Variants in ITCH observed in about 807,000 individuals in gnomAD.
ITCH encodes the protein E3 ubiquitin-protein ligase Itchy homolog.
In ITCH, 28 loss-of-function variants were observed where a neutral mutation model predicts 126.8. The observed-to-expected ratio is 0.22, with a 90% CI of 0.16 to 0.30. The LOEUF is 0.30. Ranked by LOEUF, ITCH falls within the 10% of genes least tolerant of loss-of-function variation. ITCH has a pLI of 1.00. For synonymous variants in ITCH, 342 were observed against 340.0 expected (o/e 1.01, Z -0.06); for missense variants, 631 against 1,032.4 (o/e 0.61, Z 5.33).
At chr20:34,438,905 T>C (rs1275770391) in intron 8 of ITCH, among the ~76,000 whole-genome samples, 1 of 152,192 alleles carries the variant, frequency 6.6e-6, no homozygotes, top group Non-Finnish European at 1.5e-5. Context: ...GGCAATAACA[T>C]TGTACCTTTC....
rs1983820097 is a variant in ITCH at position 34,441,975 on chromosome 20, G to A, written c.870-233G>A. The stretch of plus-strand genomic sequence containing the variant: ...GGACCTCAAGCCTCTTCAGGAATAT[G>A]TTTTCTCCTAGAGCAGATACTTGCA... On this transcript the variant is annotated intron_variant, in intron 9 of 24. Transcript: ENST00000374864. 5.8e-6 allele frequency: 3 copies of A among 520,854 alleles called. No individual in the cohort carries two copies. In the Admixed American group the frequency reaches 9.3e-5, roughly 16 times the overall value. The allele number at this position is 520,854 out of a possible 1,614,324, so 32.3% of individuals were successfully genotyped here. A position where few individuals can be genotyped will look rare whatever the true frequency, so the allele number is the denominator to read the frequency against.
intron 1 of ITCH, among the ~76,000 whole-genome samples, chr20:34,365,829 T>C (rs1015326452): frequency 4.6e-5 from 7 of 152,162 alleles, no homozygotes; most frequent in African/African-American, 1.4e-4. Flanking sequence ...CCTTCTGAGA[T>C]GGATTTAGTA....
intron 12 of ITCH, among the ~76,000 whole-genome samples, chr20:34,456,979 C>G (rs6059850): frequency 0.44 from 67,035 of 150,960 alleles, 15,459 homozygotes; most frequent in Middle Eastern, 0.5. Context: ...CTACTTAATT[C>G]TGAGGTTTCA....
chr20:34,372,801 GT>G (rs959781797), intron 2 of ITCH, among the ~76,000 whole-genome samples: 2 of 152,064 alleles, frequency 1.3e-5, no homozygotes, highest in African/African-American at 4.8e-5. Context: ...GTTCCAAGGG[GT>G]ACTCAAATAT....
chr20:34,488,940 G>A lies in ITCH; in HGVS notation c.2094-326G>A, dbSNP rs6058061. Among the ~76,000 whole-genome samples, 246 of 152,266 alleles carry A rather than the reference G, an allele frequency of 1.6e-3. 2 individuals carry two copies. The highest frequency in any genetic ancestry group is 5.1e-3 in the African/African-American group (213 of 41,556). ...TATATTCCCAGCTACTCGGGAGGCCGAGGTAGGAGGATTGCTTGAGCCCAG... is the reference window on the plus strand; with the variant it reads ...TATATTCCCAGCTACTCGGGAGGCCAAGGTAGGAGGATTGCTTGAGCCCAG... On this transcript the variant is annotated intron_variant, in intron 20 of 24. Coordinates refer to ENST00000374864, the MANE Select transcript of ITCH (RefSeq NM_031483.7).
intron 3 of ITCH, among the ~76,000 whole-genome samples, chr20:34,405,780 CTTTTTT>C (rs11455038): frequency 1.3e-5 from 2 of 150,716 alleles, no homozygotes; most frequent in Non-Finnish European, 3.0e-5. Flanking sequence ...TTTAATAGTA[CTTTTTT>C]TTTATTTTTT....
At chr20:34,478,022 T>G (rs1988393556) in intron 17 of ITCH, 162 bp downstream of exon 17, 2 of 872,646 alleles carry the variant, frequency 2.3e-6, no homozygotes, top group Non-Finnish European at 3.5e-6. Context: ...TCAAAAAACA[T>G]TTAATTCAGC....
chr20:34,463,648 G>A (rs1314105822), intron 14 of ITCH, among the ~76,000 whole-genome samples: 2 of 149,504 alleles, frequency 1.3e-5, no homozygotes, highest in African/African-American at 4.9e-5. Flanking sequence ...TTTTTAAATA[G>A]TCATCCTTAA....
intron 2 of ITCH, among the ~76,000 whole-genome samples, chr20:34,381,527 A>G (rs1326103801): frequency 6.6e-6 from 1 of 151,878 alleles, no homozygotes; most frequent in East Asian, 1.9e-4. Context: ...CCTGGGTTCA[A>G]GTGATTCTCC....
intron 7 of ITCH, among the ~76,000 whole-genome samples, chr20:34,424,760 T>C (rs1362260182): frequency 6.6e-6 from 1 of 152,132 alleles, no homozygotes; most frequent in Non-Finnish European, 1.5e-5. Context: ...TTGTAGAAAA[T>C]AAATATACTG....
intron 2 of ITCH, among the ~76,000 whole-genome samples, chr20:34,375,433 A>G (rs1490215333): frequency 6.6e-6 from 1 of 150,838 alleles, no homozygotes; most frequent in Admixed American, 6.6e-5. Flanking sequence ...CAACATGTAC[A>G]TATTTTAAAA....
chr20:34,454,802 CT>C (rs1985703811), intron 12 of ITCH, among the ~76,000 whole-genome samples: 1 of 101,124 alleles, frequency 9.9e-6, no homozygotes, highest in South Asian at 3.3e-4. Flanking sequence ...ACCAATTTTT[CT>C]TTTTTCTTTT....
intron 3 of ITCH, among the ~76,000 whole-genome samples, chr20:34,405,642 T>A (rs951887791): frequency 1.3e-5 from 2 of 152,068 alleles, no homozygotes; most frequent in Non-Finnish European, 2.9e-5. Flanking sequence ...ATATAATGAG[T>A]GTATGTATAA....
chr20:34,480,671 G>T lies in ITCH; in HGVS notation c.1891G>T (p.Val631Phe), dbSNP rs1199004609. 3 of 1,612,374 alleles carry T rather than the reference G, an allele frequency of 1.9e-6. No individual in the cohort carries two copies. The highest frequency in any genetic ancestry group is 1.1e-5 in the South Asian group (1 of 91,026). Residue 631 changes from valine to phenylalanine, a missense_variant, in exon 19 of 25, where the codon GTT (valine) becomes TTT (phenylalanine). Physicochemically the swap from Val to Phe is conservative, Grantham distance 50. Around this residue, in one of 4 missense-constraint regions of ITCH, gnomAD observed 390 missense variants for 731.6 expected, o/e 0.53. Transcript: ENST00000374864. ...PFYKRILNKP[V>F]GLKDLESIDP... ...CTATAAGCGTATCTTGAACAAACCA[G>T]TTGGACTCAAGGATTTAGAATCTAT...
At chr20:34,466,292 G>T (rs1199388387) in intron 14 of ITCH, 1 of 486,998 alleles carries the variant, frequency 2.1e-6, no homozygotes, top group South Asian at 1.5e-5. Context: ...ATTAAAGTGT[G>T]CTTTTAATAT....
intron 3 of ITCH, among the ~76,000 whole-genome samples, chr20:34,406,507 C>T (rs1263416970): frequency 2.6e-5 from 4 of 151,098 alleles, no homozygotes; most frequent in Non-Finnish European, 4.4e-5. Flanking sequence ...GATATCCAGA[C>T]TTTGGACTAT....
At chr20:34,371,185 A>G (rs2037614065) in intron 2 of ITCH, among the ~76,000 whole-genome samples, 1 of 151,746 alleles carries the variant, frequency 6.6e-6, no homozygotes, top group South Asian at 2.1e-4. Flanking sequence ...AAAAAAAAAA[A>G]ACTGAATAGG....
intron 20 of ITCH, among the ~76,000 whole-genome samples, chr20:34,484,055 A>G (rs1441945938): frequency 6.6e-6 from 1 of 152,174 alleles, no homozygotes; most frequent in African/African-American, 2.4e-5. Context: ...GCCCGCCCCC[A>G]TGATTCAGTT....
At chr20:34,479,333 C>T (rs997672239) in intron 17 of ITCH, among the ~76,000 whole-genome samples, 3 of 152,186 alleles carry the variant, frequency 2.0e-5, no homozygotes, top group South Asian at 2.1e-4. Context: ...TCTGAAATTA[C>T]GATGTATCTC....
Sources: gnomAD v4.1 joint callset for allele counts (sites outside exome capture counted in the v4.1 genomes callset) on GRCh38, gnomAD v4.1.1 for gene constraint, gnomAD v4.1.1 regional missense constraint, MANE v1.5 for transcripts, NCBI Gene and HGNC (gene_info 2026-07-23, HGNC 2026-07-21) for gene names.